The following GPI variants were observed in gnomAD, a reference collection of about 807,000 sequenced individuals.
The protein encoded by GPI is D-hexose-6-phosphate anomerase.
Under a neutral mutation model 75.8 loss-of-function variants are expected in GPI, and 56 were observed. That is an observed-to-expected ratio of 0.74 (90% CI 0.60 to 0.92). The LOEUF (loss-of-function observed/expected upper bound fraction) is 0.92. GPI is among the 40% of genes least tolerant of loss of function. GPI has a pLI of 0.00. For missense variants in GPI, 638 were observed against 741.0 expected (o/e 0.86, Z 1.61); for synonymous variants, 288 against 285.4 (o/e 1.01, Z -0.09).
chr19:34,373,592 T>TG (rs1264058174), intron 4 of GPI, among the ~76,000 whole-genome samples: 2 of 151,332 alleles, frequency 1.3e-5, no homozygotes, highest in Non-Finnish European at 2.9e-5. Flanking sequence ...AGAAAATTGC[T>TG]GGATCTTATT....
chr19:34,398,944 G>C (rs1471664019), intron 14 of GPI: 2 of 333,654 alleles, frequency 6.0e-6, no homozygotes, highest in African/African-American at 4.2e-5. Flanking sequence ...TGACCTCGTG[G>C]TCCATCCGCC....
At chr19:34,396,494 T>G (rs957102607) in intron 13 of GPI, 64 bp downstream of exon 13, 2 of 1,612,660 alleles carry the variant, frequency 1.2e-6, no homozygotes, top group African/African-American at 2.7e-5. Context: ...AGAAGAGATA[T>G]CTCACTTAGG....
intron 6 of GPI, 26 bp downstream of exon 6, chr19:34,377,907 C>A: frequency 6.2e-7 from 1 of 1,613,422 alleles, no homozygotes. Flanking sequence ...ACTGCCCGGC[C>A]CCTGGCCCTG....
intron 4 of GPI, among the ~76,000 whole-genome samples, chr19:34,370,001 C>G (rs2074427314): frequency 6.6e-6 from 1 of 152,246 alleles, no homozygotes; most frequent in African/African-American, 2.4e-5. Flanking sequence ...TCTGTCATCT[C>G]CTCTTTGAAA....
intron 9 of GPI, among the ~76,000 whole-genome samples, chr19:34,386,264 T>C (rs2074733633): frequency 6.6e-6 from 1 of 150,958 alleles, no homozygotes; most frequent in Non-Finnish European, 1.5e-5. Flanking sequence ...AGGTGTGGTC[T>C]GAGAACCCAG....
At chr19:34,394,755 C>T (rs568292730) in intron 12 of GPI, among the ~76,000 whole-genome samples, 1 of 151,964 alleles carries the variant, frequency 6.6e-6, no homozygotes, top group African/African-American at 2.4e-5. Flanking sequence ...ACTCTGTTTC[C>T]CAGGCAGGAG....
chr19:34,373,643 C>T (rs370465221), intron 4 of GPI, among the ~76,000 whole-genome samples: 4 of 151,804 alleles, frequency 2.6e-5, no homozygotes, highest in African/African-American at 9.7e-5. Flanking sequence ...GAAATTATTC[C>T]AAAATTTAGC....
rs753043403 is a variant in GPI at position 34,393,323 on chromosome 19, G to C, written c.865+15G>C. ...CCTGCACGTGGGTGAGTGTGTTTCT[G>C]TGTCTTGCAGCCCCTGTGGGAGACA... On this transcript the variant is annotated intron_variant, in intron 10 of 17. Coordinates refer to ENST00000356487, the MANE Select transcript of GPI (RefSeq NM_000175.5). This position sits in a 1 kb window ranked among gnomAD's most constrained non-coding sequence, Gnocchi z 4.4. 1.9e-6 allele frequency: 3 copies of C among 1,603,604 alleles called. No individual in the cohort carries two copies. The highest frequency in any genetic ancestry group is 2.6e-6 in the Non-Finnish European group (3 of 1,170,516).
chr19:34,370,116 G>A lies in GPI; in HGVS notation c.402+1414G>A, dbSNP rs143424795. ...GCAGTGTCCGTGTGTCAGTGACAGT[G>A]CATGTAACATGCCTTCTTTTCCTTG... On this transcript the variant is annotated intron_variant, in intron 4 of 17. Coordinates refer to ENST00000356487, the MANE Select transcript of GPI (RefSeq NM_000175.5). Among the ~76,000 whole-genome samples, 337 of 152,298 alleles carry A rather than the reference G, an allele frequency of 2.2e-3. 16 individuals carry two copies. The highest frequency in any genetic ancestry group is 0.021 in the Admixed American group (320 of 15,284).
At chr19:34,366,646 C>G (rs1485071581) in intron 2 of GPI, 137 bp from the exon 3 acceptor site, 6 of 772,016 alleles carry the variant, frequency 7.8e-6, no homozygotes, top group Non-Finnish European at 1.4e-5. Flanking sequence ...TAGACCCTTC[C>G]CAGACAGCAG....
At chr19:34,370,608 T>C (rs2074436961) in intron 4 of GPI, among the ~76,000 whole-genome samples, 1 of 151,632 alleles carries the variant, frequency 6.6e-6, no homozygotes, top group African/African-American at 2.4e-5. Flanking sequence ...ACCTGTAATA[T>C]CAGCTACTGG....
intron 3 of GPI, chr19:34,367,254 C>T (rs776006770): frequency 5.8e-6 from 2 of 347,492 alleles, no homozygotes; most frequent in Non-Finnish European, 1.1e-5. Context: ...TGAGGCCAGG[C>T]CTGGGGGCCC....
At chr19:34,388,635 G>A (rs1488632420) in intron 9 of GPI, among the ~76,000 whole-genome samples, 1 of 152,178 alleles carries the variant, frequency 6.6e-6, no homozygotes, top group Non-Finnish European at 1.5e-5. Flanking sequence ...TAAAGGTGAG[G>A]TCTAGAGACC....
rs774173095 is a variant in GPI at position 34,378,986 on chromosome 19, T to A, written c.686T>A (p.Phe229Tyr). 19 of 1,614,076 alleles carry A rather than the reference T, an allele frequency of 1.2e-5. No homozygotes were observed. ...ITNAETAKEW[F>Y]LQAAKDPSAV... is the part of the protein sequence containing the mutation. ...AATGCAGAGACGGCGAAGGAGTGGTTTCTCCAGGCGGCCAAGGATGTGAGT... is the reference window on the plus strand; with the variant it reads ...AATGCAGAGACGGCGAAGGAGTGGTATCTCCAGGCGGCCAAGGATGTGAGT... Residue 229 changes from phenylalanine to tyrosine, a missense_variant, in exon 7 of 18, where the codon TTT (phenylalanine) becomes TAT (tyrosine). Transcript: ENST00000356487.
rs1339690538 is a variant in GPI at position 34,400,297 on chromosome 19, C to T, written c.*261C>T. 5.0e-6 allele frequency: 3 copies of T among 598,798 alleles called. No homozygotes were observed. In the East Asian group the frequency reaches 8.3e-5, roughly 17 times the overall value. 37.1% of individuals were successfully genotyped at this position (598,798 alleles called of 1,614,324 possible). ...TGACCCATGTTCACGTTGTTCACAT[C>T]CCATGTAGAAAAATAAAGATGCCAC... On this transcript the variant is annotated 3_prime_UTR_variant, in exon 18 of 18. Transcript: ENST00000356487.
chr19:34,382,547 A>C (rs905194060), intron 9 of GPI, among the ~76,000 whole-genome samples: 1 of 152,140 alleles, frequency 6.6e-6, no homozygotes, highest in African/African-American at 2.4e-5. Flanking sequence ...CAGATGCGGA[A>C]CACTGGTCAA....
intron 4 of GPI, among the ~76,000 whole-genome samples, chr19:34,372,009 C>T (rs529625169): frequency 8.1e-4 from 122 of 151,492 alleles, no homozygotes; most frequent in African/African-American, 2.9e-3. Context: ...CGGCTCACTG[C>T]AACCTCCGCC....
At chr19:34,374,156 A>AT (rs1254588226) in intron 4 of GPI, among the ~76,000 whole-genome samples, 2 of 120,302 alleles carry the variant, frequency 1.7e-5, no homozygotes, top group African/African-American at 3.3e-5. Context: ...TTTTTTTTAA[A>AT]TTTTTTTAGT....
At chr19:34,368,069 G>A (rs1476320580) in intron 3 of GPI, among the ~76,000 whole-genome samples, 1 of 152,088 alleles carries the variant, frequency 6.6e-6, no homozygotes, top group Non-Finnish European at 1.5e-5. Context: ...ACAGGTGTGT[G>A]CCACCCCCAC....
Sources: gnomAD v4.1 joint callset for allele counts (sites outside exome capture counted in the v4.1 genomes callset) on GRCh38, gnomAD v4.1.1 for gene constraint, Gnocchi (gnomAD v3.1) non-coding constraint, MANE v1.5 for transcripts, NCBI Gene and HGNC (gene_info 2026-07-23, HGNC 2026-07-21) for gene names.